The following TAFA1 variants were observed in gnomAD, a reference collection of about 807,000 sequenced individuals.
TAFA1 encodes TAFA chemokine like family member 1, also known as chemokine-like protein TAFA-1.
TAFA1 carries 4 observed loss-of-function variants against 18.5 expected under a neutral mutation model. The observed-to-expected ratio is 0.22, with a 90% CI of 0.11 to 0.49. The LOEUF is 0.49. Among genes scored for constraint, TAFA1 ranks in the 20% least tolerant of loss-of-function variants. The probability of loss-of-function intolerance (pLI) is 0.98; values close to 1 mark genes in which losing one functional copy is unlikely to be tolerated. For synonymous variants in TAFA1, 56 were observed against 55.2 expected (o/e 1.01, Z -0.06); for missense variants, 147 against 169.0 (o/e 0.87, Z 0.72).
At chr3:68,310,972 AAG>A (rs2068506626) in intron 2 of TAFA1, among the ~76,000 whole-genome samples, 1 of 152,188 alleles carries the variant, frequency 6.6e-6, no homozygotes, top group South Asian at 2.1e-4. Context: ...TTTAAAAAGA[AAG>A]AGGTTTAATT....
At chr3:68,174,390 G>A (rs1371998691) in intron 2 of TAFA1, among the ~76,000 whole-genome samples, 1 of 152,126 alleles carries the variant, frequency 6.6e-6, no homozygotes, top group Non-Finnish European at 1.5e-5. Flanking sequence ...AAAAATGTGG[G>A]AAAGTTTGGA....
Position 68,483,579 on chromosome 3 carries a change from C to T in TAFA1, c.260-55177C>T, listed in dbSNP as rs530279735. Among the ~76,000 whole-genome samples the T allele has an allele frequency of 2.0e-5, 3 of 152,232 alleles. No individual in the cohort carries two copies. In the East Asian group the frequency reaches 5.8e-4, roughly 29 times the overall value. On this transcript the variant is annotated intron_variant, in intron 3 of 4. Transcript: ENST00000478136. ...GAGAAGAAGACAAAATACAAATGAG[C>T]AGCAAGATAATTTCAGAGAATGCTA...
chr3:68,102,592 A>G (rs886144382), intron 2 of TAFA1, among the ~76,000 whole-genome samples: 4 of 152,214 alleles, frequency 2.6e-5, no homozygotes, highest in African/African-American at 9.6e-5. Flanking sequence ...CCTATAAAAA[A>G]TTGTCAAACT....
Position 68,353,355 on chromosome 3 carries a change from C to G in TAFA1, c.119-63925C>G, listed in dbSNP as rs990798179. Among the ~76,000 whole-genome samples, 5 of 152,068 alleles carry G rather than the reference C, an allele frequency of 3.3e-5. No individual in the cohort carries two copies. The South Asian group carries it at 1.0e-3, about 31-fold the overall frequency. On this transcript the variant is annotated intron_variant, in intron 2 of 4. Transcript: ENST00000478136. ...TTGTGTCTCTGTTTCTTAAGTAAAG[C>G]CTGATATAGCGTGTAAGCCATTTAT... is the stretch of plus-strand genomic sequence containing the variant.
chr3:68,395,171 C>T lies in TAFA1; in HGVS notation c.119-22109C>T, dbSNP rs576300381. On this transcript the variant is annotated intron_variant, in intron 2 of 4. Coordinates refer to ENST00000478136, the MANE Select transcript of TAFA1 (RefSeq NM_213609.4). ...CACTTTTCAAAAGAAGACATTTATG[C>T]GGCCAACAAACATATGAAAAAAAAA... 5.3e-4 allele frequency among the ~76,000 whole-genome samples: 81 copies of T among 152,048 alleles called. 1 individual carries two copies. Among genetic ancestry groups the T allele is most frequent in the African/African-American group, 1.9e-3 (80 of 41,490 alleles).
At chr3:67,997,980 A>G in the TAFA1 span, among the ~76,000 whole-genome samples, 1 of 152,110 alleles carries the variant, frequency 6.6e-6, no homozygotes, top group African/African-American at 2.4e-5. Flanking sequence ...TGATATTTTG[A>G]GGAAAAAATA....
chr3:68,084,535 C>T (rs906946191), intron 2 of TAFA1, among the ~76,000 whole-genome samples: 6 of 152,142 alleles, frequency 3.9e-5, no homozygotes, highest in Admixed American at 6.5e-5. Flanking sequence ...TGGTGGCTCA[C>T]GCCTGTAATC....
chr3:68,050,334 C>T (rs1430954531), intron 2 of TAFA1, among the ~76,000 whole-genome samples: 1 of 152,098 alleles, frequency 6.6e-6, no homozygotes, highest in Non-Finnish European at 1.5e-5. Context: ...TGCATATGGG[C>T]CATTTATGCT....
In TAFA1 at chr3:68,119,135, T is replaced by C. The variant is rs2065357836; in HGVS notation, c.118+112391T>C. ...GCATTTCCATAATGATTACTAACAT[T>C]GAGCATCTTTTCATGTGCTTATTGG... On this transcript the variant is annotated intron_variant, in intron 2 of 4. Coordinates refer to ENST00000478136, the MANE Select transcript of TAFA1 (RefSeq NM_213609.4). 2.0e-5 allele frequency among the ~76,000 whole-genome samples: 3 copies of C among 152,030 alleles called. No homozygotes were observed. The South Asian group carries it at 6.2e-4, about 31-fold the overall frequency.
intron 2 of TAFA1, among the ~76,000 whole-genome samples, chr3:68,077,077 C>A (rs2064834038): frequency 6.6e-6 from 1 of 150,464 alleles, no homozygotes; most frequent in Middle Eastern, 3.4e-3. Flanking sequence ...AGCATTTTTT[C>A]ATGTGTTTTT....
chr3:68,499,127 G>C (rs962943386), intron 3 of TAFA1, among the ~76,000 whole-genome samples: 1 of 151,986 alleles, frequency 6.6e-6, no homozygotes, highest in Non-Finnish European at 1.5e-5. Context: ...AGCAGCCTAG[G>C]TATTAAAATA....
intron 3 of TAFA1, among the ~76,000 whole-genome samples, chr3:68,492,541 G>A (rs2072472331): frequency 6.6e-6 from 1 of 152,148 alleles, no homozygotes; most frequent in African/African-American, 2.4e-5. Context: ...GAATCAGAAA[G>A]GAGTGCTTGC....
intron 3 of TAFA1, among the ~76,000 whole-genome samples, chr3:68,463,192 G>T (rs1299112442): frequency 2.0e-5 from 3 of 152,166 alleles, no homozygotes; most frequent in Non-Finnish European, 2.9e-5. Context: ...CATTGATAGA[G>T]TCAGCCAGTA....
rs117300890 is a variant in TAFA1 at position 68,128,462 on chromosome 3, A to C, written c.118+121718A>C. 5.2e-3 allele frequency among the ~76,000 whole-genome samples: 798 copies of C among 152,330 alleles called. 35 individuals carry two copies. In the East Asian group the frequency reaches 0.1, roughly 20 times the overall value. ...AGTAACTCACAAGGGGACTATGAAC[A>C]AGCTGATGTTGTGTTTTAAAGGTCA... On this transcript the variant is annotated intron_variant, in intron 2 of 4. Transcript: ENST00000478136.
At chr3:68,023,010 C>G (rs1223071209) in intron 2 of TAFA1, among the ~76,000 whole-genome samples, 1 of 145,692 alleles carries the variant, frequency 6.9e-6, no homozygotes, top group African/African-American at 2.6e-5. Context: ...GGAAATCAGG[C>G]TCAGAGAGGT....
intron 2 of TAFA1, among the ~76,000 whole-genome samples, chr3:68,299,007 A>T (rs1265644082): frequency 6.6e-6 from 1 of 152,216 alleles, no homozygotes; most frequent in Non-Finnish European, 1.5e-5. Context: ...AGACAGGAAG[A>T]TGTGGGAAAG....
intron 2 of TAFA1, among the ~76,000 whole-genome samples, chr3:68,038,262 T>G (rs1488896534): frequency 6.6e-6 from 1 of 152,160 alleles, no homozygotes; most frequent in Non-Finnish European, 1.5e-5. Context: ...GGGAAGGTGA[T>G]GATCAAGAAA....
At chr3:68,366,029 C>T (rs1009143724) in intron 2 of TAFA1, among the ~76,000 whole-genome samples, 4 of 140,830 alleles carry the variant, frequency 2.8e-5, no homozygotes, top group South Asian at 2.2e-4. Context: ...GAGGTTGCAG[C>T]AAGCCGAGAT....
At chr3:68,177,318 C>G (rs1008108749) in intron 2 of TAFA1, among the ~76,000 whole-genome samples, 2 of 152,116 alleles carry the variant, frequency 1.3e-5, no homozygotes, top group East Asian at 3.9e-4. Context: ...AGAACCAGCT[C>G]TTTTAGAAAA....
Sources: allele counts gnomAD v4.1 joint callset (sites outside exome capture counted in the v4.1 genomes callset), GRCh38; gene constraint gnomAD v4.1.1; transcripts MANE v1.5; gene names NCBI Gene and HGNC (gene_info 2026-07-23, HGNC 2026-07-21).